Variants in ZNF44 observed in about 807,000 individuals in gnomAD.
The protein encoded by ZNF44 is gonadotropin inducible transcription repressor-2.
Under a neutral mutation model 11.7 loss-of-function variants are expected in ZNF44, and 9 were observed. The ratio of observed to expected loss-of-function variants is 0.77; its 90% CI spans 0.46 to 1.35. The LOEUF (loss-of-function observed/expected upper bound fraction) is 1.35, where lower values mean the gene tolerates loss of function less well. Among genes scored for constraint, ZNF44 ranks in the 40% most tolerant of loss-of-function variants. The probability of loss-of-function intolerance (pLI) is 0.00; values close to 1 mark genes in which losing one functional copy is unlikely to be tolerated. For missense variants in ZNF44, 696 were observed against 743.1 expected (o/e 0.94, Z 0.74); for synonymous variants, 224 against 242.7 (o/e 0.92, Z 0.72).
intron 5 of ZNF44, among the ~76,000 whole-genome samples, chr19:12,256,727 G>A (rs1363406124): frequency 7.5e-6 from 1 of 132,570 alleles, no homozygotes; most frequent in Non-Finnish European, 1.6e-5. Context: ...TTGAGACGGA[G>A]TCTTGCTCTG....
chr19:12,278,316 G>A (rs901491594), intron 1 of ZNF44, among the ~76,000 whole-genome samples: 2 of 152,178 alleles, frequency 1.3e-5, no homozygotes, highest in Admixed American at 6.5e-5. Context: ...TAGAAACAAC[G>A]CTTATCACTG....
rs151259840 is a variant in ZNF44, at chr19:12,235,103, G to A, written n.139-195C>T. The stretch of plus-strand genomic sequence containing the variant: ...TACAAAAGATTGGTTGGGGCCGGGC[G>A]TGGTGGCTCATGCCTGTAATCCCAA... On this transcript the variant is annotated intron_variant and non_coding_transcript_variant, in intron 1 of 3. Coordinates refer to the ZNF44 transcript ENST00000597563. 1.1e-3 allele frequency among the ~76,000 whole-genome samples: 171 copies of A among 152,322 alleles called. 1 individual carries two copies. Among genetic ancestry groups the A allele is most frequent in the Non-Finnish European group, 1.8e-3 (124 of 68,038 alleles).
Position 12,273,270 on chromosome 19 carries a change from T to C in ZNF44, c.985A>G (p.Ile329Val). 3 of 1,614,034 alleles carry C rather than the reference T, an allele frequency of 1.9e-6. No individual in the cohort carries two copies. The South Asian group carries it at 3.3e-5, about 18-fold the overall frequency. Residue 329 changes from isoleucine (I) to valine (V), a missense_variant, in exon 4 of 4, where the codon ATA becomes GTA. Ile to Val is a conservative substitution (Grantham distance 29, BLOSUM62 3). Coordinates refer to ENST00000355684, the MANE Select transcript of ZNF44 (RefSeq NM_016264.4). ...CHLGSFQRHM[I>V]MHSGDGPHKC... ...TGAGGTCCATCTCCACTGTGCATTA[T>C]CATGTGTCTTTGAAAGCTTCCAAGA...
intron 2 of ZNF44, among the ~76,000 whole-genome samples, chr19:12,275,624 C>G (rs149897648): frequency 0.02 from 2,995 of 151,820 alleles, 94 homozygotes; most frequent in African/African-American, 0.068. Context: ...CCAGCCTGGG[C>G]GACAGAGCAA....
intron 5 of ZNF44, chr19:12,266,205 G>A (rs1037944257): frequency 1.0e-6 from 1 of 971,340 alleles, no homozygotes; most frequent in Non-Finnish European, 1.2e-6. Context: ...AGGGAGGCCC[G>A]GGTCCCGCCA....
chr19:12,264,113 T>C (rs1008564351), intron 5 of ZNF44, among the ~76,000 whole-genome samples: 9 of 150,872 alleles, frequency 6.0e-5, no homozygotes, highest in Admixed American at 5.9e-4. Flanking sequence ...ACCCCTCAAA[T>C]CCACTGTCTA....
At position 12,273,409 on chromosome 19, in the gene ZNF44, T is replaced by C. The variant is rs1332352779; in HGVS notation, c.846A>G (p.Lys282=). The C allele has an allele frequency of 1.9e-6, 3 of 1,614,104 alleles. No individual in the cohort carries two copies. The East Asian group carries it at 6.7e-5, about 36-fold the overall frequency. The part of the protein sequence containing the change: ...ERTHTGEKPY[K]CKQCGKAFSV... The stretch of plus-strand genomic sequence containing the variant: ...TGAAGGCTTTCCCACATTGTTTACA[T>C]TTGTAGGGTTTCTCTCCAGTGTGAG... Residue 282 remains lysine (K), a synonymous_variant, in exon 4 of 4, where the codon AAA becomes AAG. Coordinates refer to ENST00000355684, the MANE Select transcript of ZNF44 (RefSeq NM_016264.4).
In ZNF44 at chr19:12,271,911, A is replaced by T. The variant is rs945234366; in HGVS notation, c.*496T>A. 6.6e-6 allele frequency: 1 copy of T among 152,334 alleles called. No homozygotes were observed. The highest frequency in any genetic ancestry group is 1.5e-5 in the Non-Finnish European group (1 of 68,186). 9.4% of individuals were successfully genotyped at this position (152,334 alleles called of 1,614,324 possible). A position where few individuals can be genotyped will look rare whatever the true frequency, so the allele number is the denominator to read the frequency against. ...TATTCCATTTTATAAAAGAGCTGGC[A>T]TCTGTGGATTTAGGTATACTCAGGG... On this transcript the variant is annotated 3_prime_UTR_variant, in exon 4 of 4. Coordinates refer to ENST00000355684, the MANE Select transcript of ZNF44 (RefSeq NM_016264.4).
At chr19:12,288,830 T>G (rs1188440599) in intron 1 of ZNF44, among the ~76,000 whole-genome samples, 1 of 131,430 alleles carries the variant, frequency 7.6e-6, no homozygotes, top group Non-Finnish European at 1.6e-5. Context: ...CCCACCACCA[T>G]GCCCAGTTCT....
intron 1 of ZNF44, among the ~76,000 whole-genome samples, chr19:12,276,480 C>G (rs1444867369): frequency 6.6e-6 from 1 of 152,242 alleles, no homozygotes; most frequent in Non-Finnish European, 1.5e-5. Flanking sequence ...AATGTTGAAC[C>G]TTTCGTGGTG....
chr19:12,272,821 A>AC lies in ZNF44; in HGVS notation c.1433dup (p.Cys478TrpfsTer2). ...AACTAAATGCTTTCCCACACTCCTTACATTCATAAGGCTCCTCTTCACTGT... is the reference window on the plus strand; with the variant it reads ...AACTAAATGCTTTCCCACACTCCTTACCATTCATAAGGCTCCTCTTCACTGT... On this transcript the variant is annotated frameshift_variant, in exon 4 of 4. Transcript: ENST00000355684. LOFTEE classifies it low-confidence loss of function (END_TRUNC). 1 of 1,614,008 alleles carries AC rather than the reference A, an allele frequency of 6.2e-7. No individual in the cohort carries two copies. Among genetic ancestry groups the AC allele is most frequent in the Non-Finnish European group, 8.5e-7 (1 of 1,179,910 alleles).
chr19:12,231,929 A>T (rs567808727), intron 2 of ZNF44, among the ~76,000 whole-genome samples: 2 of 152,334 alleles, frequency 1.3e-5, no homozygotes, highest in South Asian at 2.1e-4. Flanking sequence ...ATAGAGAAAG[A>T]AATAGGGAGA....
intron 1 of ZNF44, among the ~76,000 whole-genome samples, chr19:12,285,903 C>T (rs1332585758): frequency 6.6e-6 from 1 of 151,668 alleles, no homozygotes; most frequent in Non-Finnish European, 1.5e-5. Context: ...CCTGTAGTCC[C>T]AGCTACTCAG....
Position 12,260,620 on chromosome 19 carries a change from C to CA in ZNF44, c.1913-10253dup, listed in dbSNP as rs368586227. 2,718 of 618,812 alleles carry CA rather than the reference C, an allele frequency of 4.4e-3. 53 individuals are homozygous for CA. In the African/African-American group the frequency reaches 0.045, roughly 10 times the overall value. The allele number at this position is 618,812 out of a possible 1,614,324, so 38.3% of individuals were successfully genotyped here. On this transcript the variant is annotated intron_variant and NMD_transcript_variant, in intron 5 of 7. Coordinates refer to the ZNF44 transcript ENST00000393337. ...TGCCCGCAAAAAACAAAAACAAAAA[C>CA]AAAAAAACAAAACAAAAACACAGGT...
chr19:12,276,321 A>G (rs1057230875), intron 1 of ZNF44, among the ~76,000 whole-genome samples: 2 of 152,346 alleles, frequency 1.3e-5, no homozygotes, highest in East Asian at 3.9e-4. Flanking sequence ...GAATTATGCA[A>G]GTGAATCTTA....
intron 2 of ZNF44, among the ~76,000 whole-genome samples, chr19:12,233,285 CTT>C (rs1442210840): frequency 1.9e-5 from 2 of 105,396 alleles, no homozygotes; most frequent in African/African-American, 9.4e-5. Flanking sequence ...AATATATACT[CTT>C]AGTCTGTAAG....
intron 3 of ZNF44, among the ~76,000 whole-genome samples, chr19:12,227,543 T>G (rs1316056868): frequency 6.6e-6 from 1 of 152,038 alleles, no homozygotes; most frequent in Non-Finnish European, 1.5e-5. Flanking sequence ...GAGGCAGAGG[T>G]TGCAGTGAGC....
At chr19:12,231,693 T>G (rs1054874712) in intron 2 of ZNF44, among the ~76,000 whole-genome samples, 6 of 152,166 alleles carry the variant, frequency 3.9e-5, no homozygotes, top group Admixed American at 2.6e-4. Flanking sequence ...AAAAAAACAC[T>G]GTTAGGAGGA....
At chr19:12,250,779 T>C (rs759654563) in intron 5 of ZNF44, 1 of 456,136 alleles carries the variant, frequency 2.2e-6, no homozygotes, top group African/African-American at 2.0e-5. Context: ...ACTGAAGAAC[T>C]AGAAGCTTTT....
Sources: allele counts gnomAD v4.1 joint callset (sites outside exome capture counted in the v4.1 genomes callset), GRCh38; gene constraint gnomAD v4.1.1; transcripts MANE v1.5; gene names NCBI Gene and HGNC (gene_info 2026-07-23, HGNC 2026-07-21).